Variants in SBNO1 observed in about 807,000 individuals in gnomAD.
SBNO1 encodes the protein protein strawberry notch homolog 1.
SBNO1 carries 23 observed loss-of-function variants against 173.6 expected under a neutral mutation model. That is an observed-to-expected ratio of 0.13 (90% CI 0.10 to 0.19). The LOEUF is 0.19. Ranked by LOEUF, SBNO1 falls within the 10% of genes least tolerant of loss-of-function variation. SBNO1 has a pLI of 1.00. For synonymous variants in SBNO1, 632 were observed against 571.5 expected, an observed-to-expected ratio of 1.11 and a Z score of -1.51; for missense variants, 1,238 against 1,671.2, an observed-to-expected ratio of 0.74 and a Z score of 4.52.
At chr12:123,333,980 C>T (rs910632304) in intron 7 of SBNO1, 73 bp downstream of exon 7, 4 of 983,472 alleles carry the variant, frequency 4.1e-6, no homozygotes, top group Non-Finnish European at 5.7e-6. Flanking sequence ...GAAAAGTTAC[C>T]TTTAGATTGA....
At chr12:123,347,853 G>C (rs1372306227) in intron 3 of SBNO1, among the ~76,000 whole-genome samples, 176 bp downstream of exon 3, 1 of 152,090 alleles carries the variant, frequency 6.6e-6, no homozygotes, top group Non-Finnish European at 1.5e-5. Flanking sequence ...CTTTTATAGA[G>C]ATGGGGTCCT....
chr12:123,327,618 T>C (rs745834622), intron 12 of SBNO1, 39 bp from the exon 13 acceptor site: 10 of 1,601,976 alleles, frequency 6.2e-6, no homozygotes, highest in Admixed American at 3.4e-5. Flanking sequence ...ACCAATACAG[T>C]AGAATTTTAA....
chr12:123,351,357 T>C (rs1160652778), intron 1 of SBNO1, among the ~76,000 whole-genome samples: 1 of 152,098 alleles, frequency 6.6e-6, no homozygotes, highest in Non-Finnish European at 1.5e-5. Context: ...AGATTACAAG[T>C]CTGGGCACTG....
Position 123,317,203 on chromosome 12 carries a change from C to T in SBNO1, c.2935+18G>A. ...TCCTAGCTATCCATTAAGTGAAATC[C>T]AGTTTGTAGGAACTTACCGAACTGT... On this transcript the variant is annotated intron_variant, in intron 21 of 31. Transcript: ENST00000602398. The T allele has an allele frequency of 6.2e-7, 1 of 1,612,920 alleles. No individual in the cohort carries two copies. The highest frequency in any genetic ancestry group is 1.1e-5 in the South Asian group (1 of 90,996).
At chr12:123,318,020 G>A (rs568266586) in intron 20 of SBNO1, among the ~76,000 whole-genome samples, 19 of 152,090 alleles carry the variant, frequency 1.2e-4, no homozygotes, top group Non-Finnish European at 7.3e-5. Context: ...GGAGTGCAGT[G>A]GTGCAATCAT....
At chr12:123,360,244 C>T (rs1874983091) in intron 1 of SBNO1, among the ~76,000 whole-genome samples, 1 of 30,694 alleles carries the variant, frequency 3.3e-5, no homozygotes, top group South Asian at 7.7e-4. Context: ...GAAACACCAT[C>T]TCAAAAAAAA....
intron 6 of SBNO1, among the ~76,000 whole-genome samples, chr12:123,336,056 T>C (rs1383269990): frequency 2.0e-5 from 3 of 152,140 alleles, no homozygotes; most frequent in African/African-American, 7.2e-5. Flanking sequence ...CTTCATACAG[T>C]GGCTGCTAAA....
At chr12:123,329,811 C>T (rs1431199057) in intron 9 of SBNO1, among the ~76,000 whole-genome samples, 1 of 152,170 alleles carries the variant, frequency 6.6e-6, no homozygotes, top group Non-Finnish European at 1.5e-5. Context: ...CTTCCAGGAA[C>T]CCTATCAGTC....
At chr12:123,299,953 C>T (rs2048731378) in intron 30 of SBNO1, among the ~76,000 whole-genome samples, 1 of 152,076 alleles carries the variant, frequency 6.6e-6, no homozygotes, top group Admixed American at 6.6e-5. Context: ...ACTACTGATA[C>T]ACTGGTTCTA....
At chr12:123,359,093 C>T (rs2139103638) in intron 1 of SBNO1, among the ~76,000 whole-genome samples, 1 of 151,952 alleles carries the variant, frequency 6.6e-6, no homozygotes. Context: ...CCACCATACT[C>T]AGCTAATTTT....
At chr12:123,354,280 T>C (rs1429503273) in intron 1 of SBNO1, among the ~76,000 whole-genome samples, 3 of 152,194 alleles carry the variant, frequency 2.0e-5, no homozygotes, top group Non-Finnish European at 4.4e-5. Context: ...CAATTTTTAC[T>C]GTTCAATTAA....
intron 1 of SBNO1, among the ~76,000 whole-genome samples, chr12:123,360,520 C>T (rs1875018850): frequency 6.6e-6 from 1 of 152,016 alleles, no homozygotes; most frequent in Non-Finnish European, 1.5e-5. Flanking sequence ...TCTCGGCTCA[C>T]TGCAACCTCT....
rs1870289479 is a variant in SBNO1, at chr12:123,323,839, A to G, written c.1974-8T>C. ...AGTGACTGCAACACACCTCTGTAGGAGAGAAACAGTGACAATTACTGCTTC... is the reference window on the plus strand; with the variant it reads ...AGTGACTGCAACACACCTCTGTAGGGGAGAAACAGTGACAATTACTGCTTC... On this transcript the variant is annotated splice_region_variant and splice_polypyrimidine_tract_variant and intron_variant, in intron 15 of 31. Coordinates refer to ENST00000602398, the MANE Select transcript of SBNO1 (RefSeq NM_001167856.3). 1.9e-6 allele frequency: 3 copies of G among 1,578,964 alleles called. No individual in the cohort carries two copies. The highest frequency in any genetic ancestry group is 1.2e-5 in the South Asian group (1 of 83,172).
intron 1 of SBNO1, among the ~76,000 whole-genome samples, chr12:123,361,149 CAGG>C (rs1464770533): frequency 6.6e-6 from 1 of 152,196 alleles, no homozygotes; most frequent in South Asian, 2.1e-4. Flanking sequence ...GAGGCTAAGG[CAGG>C]AGAATTGCTT....
intron 24 of SBNO1, 39 bp from the exon 25 acceptor site, chr12:123,311,168 G>C (rs949870356): frequency 6.8e-7 from 1 of 1,467,966 alleles, no homozygotes; most frequent in Non-Finnish European, 9.5e-7. Context: ...TAAATTACAA[G>C]GGATGTCTAC....
intron 6 of SBNO1, among the ~76,000 whole-genome samples, chr12:123,334,864 T>C (rs1481272381): frequency 6.6e-6 from 1 of 152,206 alleles, no homozygotes; most frequent in East Asian, 1.9e-4. Flanking sequence ...ACTTCAAGCA[T>C]TCATTCAGTA....
chr12:123,352,598 A>C (rs1212362534), intron 1 of SBNO1, among the ~76,000 whole-genome samples: 1 of 152,194 alleles, frequency 6.6e-6, no homozygotes, highest in Non-Finnish European at 1.5e-5. Flanking sequence ...CGGCCTGAGC[A>C]TGACTTCTAG....
chr12:123,334,270 G>T, intron 6 of SBNO1, 57 bp from the exon 7 acceptor site: 1 of 1,002,094 alleles, frequency 1.0e-6, no homozygotes, highest in Non-Finnish European at 1.5e-6. Flanking sequence ...AACATTTCCA[G>T]TTTCATTATA....
At chr12:123,317,894 A>T (rs1869476362) in intron 20 of SBNO1, among the ~76,000 whole-genome samples, 1 of 152,238 alleles carries the variant, frequency 6.6e-6, no homozygotes, top group Non-Finnish European at 1.5e-5. Flanking sequence ...GCCTAGATTC[A>T]TGAAGCAATT....
Sources: gnomAD v4.1 joint callset for allele counts (sites outside exome capture counted in the v4.1 genomes callset) on GRCh38, gnomAD v4.1.1 for gene constraint, MANE v1.5 for transcripts, NCBI Gene and HGNC (gene_info 2026-07-23, HGNC 2026-07-21) for gene names.